KAT6B: variants seen among roughly 807,000 people sequenced by gnomAD.
The protein encoded by KAT6B is histone acetyltransferase KAT6B.
KAT6B carries 10 observed loss-of-function variants against 187.5 expected under a neutral mutation model. That is an observed-to-expected ratio of 0.05 (90% confidence interval 0.03 to 0.09). The LOEUF (loss-of-function observed/expected upper bound fraction) is 0.09, where lower values mean the gene tolerates loss of function less well. Ranked by LOEUF, KAT6B falls within the 10% of genes least tolerant of loss-of-function variation. The pLI is 1.00. For synonymous variants in KAT6B, 861 were observed against 926.8 expected, an observed-to-expected ratio of 0.93 and a Z score of 1.29; for missense variants, 1,952 against 2,558.9, an observed-to-expected ratio of 0.76 and a Z score of 5.12.
chr10:74,996,579 G>A (rs1843443415), intron 13 of KAT6B, among the ~76,000 whole-genome samples: 1 of 151,950 alleles, frequency 6.6e-6, no homozygotes, highest in South Asian at 2.1e-4. Context: ...GACCATCCTG[G>A]CTAACATGGT....
intron 3 of KAT6B, among the ~76,000 whole-genome samples, chr10:74,859,574 T>C (rs1843037819): frequency 6.6e-6 from 1 of 152,252 alleles, no homozygotes; most frequent in Admixed American, 6.5e-5. Flanking sequence ...TCATTTTATT[T>C]CATTTCACAA....
At chr10:75,016,605 G>A (rs755826453) in intron 13 of KAT6B, among the ~76,000 whole-genome samples, 9 of 152,168 alleles carry the variant, frequency 5.9e-5, no homozygotes, top group Non-Finnish European at 8.8e-5. Context: ...CAGCACCTCT[G>A]GCTCACAGAC....
chr10:74,939,219 G>A (rs929911474), intron 3 of KAT6B, among the ~76,000 whole-genome samples: 24 of 152,146 alleles, frequency 1.6e-4, no homozygotes, highest in African/African-American at 5.6e-4. Context: ...TTCTACTGCT[G>A]TTTGAGTTGA....
At position 75,010,265 on chromosome 10, in the gene KAT6B, T is replaced by C. The variant is rs1481001250; in HGVS notation, c.2630-10317T>C. Among the ~76,000 whole-genome samples the C allele has an allele frequency of 2.6e-5, 4 of 152,236 alleles. No individual in the cohort carries two copies. The East Asian group carries it at 5.8e-4, about 22-fold the overall frequency. On this transcript the variant is annotated intron_variant, in intron 13 of 17. Transcript: ENST00000287239. ...TAGACCAGTGGAGTGGGATTGTTTG[T>C]CTAGATAACCTGAGGACAACTAGCG...
At chr10:74,872,666 C>T (rs28434738) in intron 3 of KAT6B, among the ~76,000 whole-genome samples, 37,222 of 151,680 alleles carry the variant, frequency 0.25, 7,985 homozygotes, top group African/African-American at 0.57. Context: ...TCTTGTGCCA[C>T]CACTCCTGGC....
intron 11 of KAT6B, chr10:74,982,215 CTTTGTAAATTCTA>C: frequency 2.7e-6 from 1 of 372,632 alleles, no homozygotes. Context: ...CTCCTCAGCT[CTTTGTAAATTCTA>C]CTTTCTTTGG....
intron 7 of KAT6B, among the ~76,000 whole-genome samples, chr10:74,974,239 G>C (rs1176827619): frequency 6.6e-6 from 1 of 152,158 alleles, no homozygotes; most frequent in Non-Finnish European, 1.5e-5. Flanking sequence ...CCTCAGATGA[G>C]CCTGGTAGCT....
intron 3 of KAT6B, among the ~76,000 whole-genome samples, chr10:74,948,570 A>G (rs760296475): frequency 6.6e-6 from 1 of 152,234 alleles, no homozygotes; most frequent in Non-Finnish European, 1.5e-5. Context: ...TGGCAGGATT[A>G]ATAGTAAGAA....
intron 3 of KAT6B, among the ~76,000 whole-genome samples, chr10:74,892,323 G>GC (rs1294377235): frequency 1.3e-5 from 2 of 152,158 alleles, no homozygotes; most frequent in Non-Finnish European, 2.9e-5. Context: ...AGCTATATTT[G>GC]CCCCACTGCA....
intron 13 of KAT6B, among the ~76,000 whole-genome samples, chr10:75,002,199 G>GCACT (rs778140638): frequency 6.6e-6 from 1 of 152,130 alleles, no homozygotes; most frequent in Non-Finnish European, 1.5e-5. Context: ...AGATCATGAA[G>GCACT]CACTCACTTG....
At chr10:74,914,677 GATAT>G (rs1847525416) in intron 3 of KAT6B, among the ~76,000 whole-genome samples, 1 of 152,168 alleles carries the variant, frequency 6.6e-6, no homozygotes, top group Admixed American at 6.5e-5. Flanking sequence ...GCATAGTTAG[GATAT>G]GATTCCAGTT....
intron 3 of KAT6B, among the ~76,000 whole-genome samples, chr10:74,935,544 C>T (rs1375445569): frequency 6.6e-6 from 1 of 152,134 alleles, no homozygotes; most frequent in Non-Finnish European, 1.5e-5. Context: ...TTCAAGCAGT[C>T]CTCCTGCCTC....
chr10:74,949,293 A>G (rs1331386448), intron 3 of KAT6B, among the ~76,000 whole-genome samples: 1 of 152,216 alleles, frequency 6.6e-6, no homozygotes, highest in Non-Finnish European at 1.5e-5. Context: ...TAATGGCAGA[A>G]GTGGAGGAGA....
At chr10:74,962,523 T>C (rs1841171353) in intron 4 of KAT6B, among the ~76,000 whole-genome samples, 1 of 152,188 alleles carries the variant, frequency 6.6e-6, no homozygotes, top group Non-Finnish European at 1.5e-5. Flanking sequence ...CCGTTCATAA[T>C]GTTCAAAGGG....
At chr10:74,972,702 A>G (rs1841926020) in intron 7 of KAT6B, 63 bp downstream of exon 7, 1 of 1,415,834 alleles carries the variant, frequency 7.1e-7, no homozygotes, top group Non-Finnish European at 1.0e-6. Flanking sequence ...GGTGATTGTT[A>G]TTCTCTCAGA....
intron 1 of KAT6B, among the ~76,000 whole-genome samples, chr10:74,834,960 T>C (rs986344309): frequency 1.3e-5 from 2 of 152,224 alleles, no homozygotes; most frequent in African/African-American, 2.4e-5. Context: ...GATACATTTA[T>C]TTAGCAAATA....
At chr10:74,953,193 A>T (rs1322075627) in intron 3 of KAT6B, among the ~76,000 whole-genome samples, 1 of 151,998 alleles carries the variant, frequency 6.6e-6, no homozygotes, top group Non-Finnish European at 1.5e-5. Flanking sequence ...TTCATTCTTT[A>T]AAAAAATCCT....
At chr10:74,830,746 A>ATATATATATG (rs1840709510) in intron 1 of KAT6B, among the ~76,000 whole-genome samples, 2 of 16,880 alleles carry the variant, frequency 1.2e-4, no homozygotes, top group South Asian at 5.5e-3. Flanking sequence ...ATATATATAT[A>ATATATATATG]TATATATATA....
chr10:74,944,967 G>A (rs1850009810), intron 3 of KAT6B, among the ~76,000 whole-genome samples: 1 of 152,092 alleles, frequency 6.6e-6, no homozygotes, highest in African/African-American at 2.4e-5. Context: ...CACTTTGCCT[G>A]TTTCTTATAA....
Sources: gnomAD v4.1 joint callset for allele counts (sites outside exome capture counted in the v4.1 genomes callset) on GRCh38, gnomAD v4.1.1 for gene constraint, MANE v1.5 for transcripts, NCBI Gene and HGNC (gene_info 2026-07-23, HGNC 2026-07-21) for gene names.